The following TNKS variants were observed in gnomAD, a reference collection of about 807,000 sequenced individuals.
TNKS encodes the protein poly [ADP-ribose] polymerase tankyrase-1.
Under a neutral mutation model 135.8 loss-of-function variants are expected in TNKS, and 72 were observed. That is an observed-to-expected ratio of 0.53 (90% CI 0.44 to 0.64). The LOEUF (loss-of-function observed/expected upper bound fraction) is 0.64. Among genes scored for constraint, TNKS ranks in the 30% least tolerant of loss-of-function variants. TNKS has a pLI of 0.00. For missense variants in TNKS, 1,769 were observed against 1,674.0 expected (o/e 1.06, Z -0.99); for synonymous variants, 849 against 649.3 (o/e 1.31, Z -4.68).
In TNKS at chr8:9,666,279, T is replaced by C. The variant is rs567524091; in HGVS notation, c.995-13672T>C. Among the ~76,000 whole-genome samples, 29 of 152,344 alleles carry C rather than the reference T, an allele frequency of 1.9e-4. 1 individual carries two copies. The highest frequency in any genetic ancestry group is 1.0e-3 in the Admixed American group (16 of 15,306). On this transcript the variant is annotated intron_variant, in intron 3 of 26. Coordinates refer to ENST00000310430, the MANE Select transcript of TNKS (RefSeq NM_003747.3). The stretch of plus-strand genomic sequence containing the variant: ...AACGTGCTATTAAAACTCATGTCTT[T>C]TTTAAACATTGCTACTGGAAGTTTA...
At chr8:9,599,563 G>T (rs1798932042) in intron 2 of TNKS, among the ~76,000 whole-genome samples, 1 of 152,162 alleles carries the variant, frequency 6.6e-6, no homozygotes, top group Admixed American at 6.5e-5. Context: ...TTTCCAGGTA[G>T]AAAGAGAGAT....
intron 2 of TNKS, among the ~76,000 whole-genome samples, chr8:9,600,070 T>C (rs1363244545): frequency 6.6e-6 from 1 of 152,200 alleles, no homozygotes; most frequent in Non-Finnish European, 1.5e-5. Context: ...CTAACAGCCC[T>C]ATGAGATAGG....
chr8:9,601,568 C>G (rs567016245), intron 2 of TNKS, among the ~76,000 whole-genome samples: 6 of 152,076 alleles, frequency 3.9e-5, no homozygotes, highest in Non-Finnish European at 8.8e-5. Flanking sequence ...AGGGGAATGT[C>G]TGGGAGACAG....
intron 1 of TNKS, chr8:9,558,024 C>T (rs1018182486): frequency 3.9e-5 from 6 of 152,030 alleles, no homozygotes; most frequent in Non-Finnish European, 8.8e-5. Flanking sequence ...AGTAGTAATG[C>T]GGAGGGGCTT....
At chr8:9,630,808 G>T (rs963179420) in intron 3 of TNKS, among the ~76,000 whole-genome samples, 2 of 152,170 alleles carry the variant, frequency 1.3e-5, no homozygotes, top group Non-Finnish European at 2.9e-5. Context: ...TCAAGAAAGA[G>T]ATTCTAAAAC....
At chr8:9,657,758 G>A (rs1801472994) in intron 3 of TNKS, among the ~76,000 whole-genome samples, 6 of 144,840 alleles carry the variant, frequency 4.1e-5, no homozygotes, top group African/African-American at 1.5e-4. Context: ...TCCCGGACGG[G>A]GCGGCTGGCC....
intron 26 of TNKS, chr8:9,772,535 T>C (rs1488928847): frequency 9.7e-6 from 4 of 413,438 alleles, no homozygotes; most frequent in South Asian, 5.5e-5. Flanking sequence ...CCAGATTACA[T>C]GAGGCCCAAG....
intron 11 of TNKS, among the ~76,000 whole-genome samples, chr8:9,711,810 T>A (rs976658580): frequency 2.0e-4 from 30 of 152,314 alleles, no homozygotes; most frequent in African/African-American, 7.2e-4. Context: ...TTAGAAAATG[T>A]TCACTTTTCT....
At chr8:9,772,305 T>C (rs1031543044) in intron 26 of TNKS, 1 of 449,006 alleles carries the variant, frequency 2.2e-6, no homozygotes, top group Non-Finnish European at 4.5e-6. Flanking sequence ...GGACAATGCC[T>C]TGACCAGATA....
intron 1 of TNKS, among the ~76,000 whole-genome samples, chr8:9,576,219 T>C (rs974567094): frequency 2.6e-5 from 4 of 152,182 alleles, no homozygotes; most frequent in African/African-American, 9.6e-5. Context: ...AAATTGAGTC[T>C]GAGCAAAATT....
At chr8:9,766,845 A>C (rs1320186292) in intron 25 of TNKS, among the ~76,000 whole-genome samples, 2 of 152,112 alleles carry the variant, frequency 1.3e-5, no homozygotes, top group African/African-American at 4.8e-5. Context: ...CATCCCGGTA[A>C]ATCCCGTTGG....
At position 9,556,471 on chromosome 8, in the gene TNKS, G is replaced by C. The variant is rs754287406; in HGVS notation, c.532G>C (p.Ala178Pro). Residue 178 changes from alanine (A) to proline (P), a missense_variant, in exon 1 of 27, where the codon GCA becomes CCA. Ala to Pro is a conservative substitution (Grantham distance 27). This residue lies in a region of TNKS where 450 missense variants were observed against 304.9 expected (regional missense o/e 1.48). Coordinates refer to ENST00000310430, the MANE Select transcript of TNKS (RefSeq NM_003747.3). Reference protein sequence around the residue: ...GAAGPGTGVPAVSGALRELLE... With the variant: ...GAAGPGTGVPPVSGALRELLE... ...AGCAGGACCTGGGACAGGGGTCCCA[G>C]CAGTGAGCGGGGCCCTACGGGAACT... 6.2e-7 allele frequency: 1 copy of C among 1,614,172 alleles called. No individual in the cohort carries two copies. The highest frequency in any genetic ancestry group is 8.5e-7 in the Non-Finnish European group (1 of 1,180,040).
chr8:9,649,005 A>T (rs1260004460), intron 3 of TNKS, among the ~76,000 whole-genome samples: 1 of 152,174 alleles, frequency 6.6e-6, no homozygotes, highest in Non-Finnish European at 1.5e-5. Context: ...TGTCATACAT[A>T]AACAGGATTA....
At chr8:9,585,685 G>C (rs1798350661) in intron 2 of TNKS, among the ~76,000 whole-genome samples, 1 of 152,172 alleles carries the variant, frequency 6.6e-6, no homozygotes, top group African/African-American at 2.4e-5. Context: ...AAGAAAGGCT[G>C]AATCAAGCAA....
chr8:9,610,114 T>C (rs4320547), intron 2 of TNKS, among the ~76,000 whole-genome samples: 43,643 of 151,800 alleles, frequency 0.29, 6,546 homozygotes, highest in East Asian at 0.38. Context: ...ACCTCAGCCT[T>C]CCAAAGTGCT....
Position 9,780,992 on chromosome 8 carries a change from C to T in TNKS, c.*4256C>T, listed in dbSNP as rs543170749. 7 of 152,236 alleles carry T rather than the reference C, an allele frequency of 4.6e-5. No homozygotes were observed. Among genetic ancestry groups the T allele is most frequent in the Admixed American group, 1.3e-4 (2 of 15,296 alleles). 9.4% of individuals were successfully genotyped at this position (152,236 alleles called of 1,614,324 possible). A position where few individuals can be genotyped will look rare whatever the true frequency, so the allele number is the denominator to read the frequency against. ...TTGTAGAATATGAGTGATATGCAAG[C>T]TGTGTTTTTTAATTGTTTTAAAATG... is the stretch of plus-strand genomic sequence containing the variant. On this transcript the variant is annotated 3_prime_UTR_variant, in exon 27 of 27. Coordinates refer to ENST00000310430, the MANE Select transcript of TNKS (RefSeq NM_003747.3).
intron 26 of TNKS, among the ~76,000 whole-genome samples, chr8:9,773,692 T>C (rs1808068484): frequency 6.6e-6 from 1 of 151,958 alleles, no homozygotes. Flanking sequence ...GAAATAATTT[T>C]AGAGAGTGAT....
chr8:9,683,730 T>C (rs186341338), intron 5 of TNKS, among the ~76,000 whole-genome samples: 17 of 152,072 alleles, frequency 1.1e-4, no homozygotes, highest in Admixed American at 1.1e-3. Context: ...GTGTAAATTT[T>C]AAGTACTCTT....
At chr8:9,765,833 G>T in intron 24 of TNKS, 36 bp downstream of exon 24, 3 of 1,575,772 alleles carry the variant, frequency 1.9e-6, no homozygotes, top group Non-Finnish European at 2.6e-6. Context: ...ACGTCTCCCT[G>T]GGCCTTTGCA....
Sources: allele counts gnomAD v4.1 joint callset (sites outside exome capture counted in the v4.1 genomes callset), GRCh38; gene constraint gnomAD v4.1.1; regional missense constraint gnomAD v4.1.1; transcripts MANE v1.5; gene names NCBI Gene and HGNC (gene_info 2026-07-23, HGNC 2026-07-21).